The following CPEB3 variants were observed in gnomAD, a reference collection of about 807,000 sequenced individuals.
The protein encoded by CPEB3 is cytoplasmic polyadenylation element-binding protein 3.
In CPEB3, 20 loss-of-function variants were observed where a neutral mutation model predicts 67.2. The ratio of observed to expected loss-of-function variants is 0.30; its 90% CI spans 0.21 to 0.43. The LOEUF is 0.43. Among genes scored for constraint, CPEB3 ranks in the 20% least tolerant of loss-of-function variants. CPEB3 has a pLI of 1.00. For synonymous variants in CPEB3, 376 were observed against 393.1 expected, an observed-to-expected ratio of 0.96 and a Z score of 0.51; for missense variants, 746 against 968.6, an observed-to-expected ratio of 0.77 and a Z score of 3.05.
At chr10:92,057,709 G>A (rs1209330886) in intron 9 of CPEB3, among the ~76,000 whole-genome samples, 1 of 152,242 alleles carries the variant, frequency 6.6e-6, no homozygotes, top group Non-Finnish European at 1.5e-5. Flanking sequence ...GGCCACAGGG[G>A]TGCTTGTGTC....
intron 6 of CPEB3, among the ~76,000 whole-genome samples, chr10:92,125,880 T>G (rs1364025320): frequency 6.6e-6 from 1 of 152,110 alleles, no homozygotes; most frequent in South Asian, 2.1e-4. Flanking sequence ...TATGTCACCA[T>G]GCCCAGCTAA....
chr10:92,055,341 G>T (rs955115565), intron 9 of CPEB3, among the ~76,000 whole-genome samples: 2 of 152,170 alleles, frequency 1.3e-5, no homozygotes, highest in African/African-American at 4.8e-5. Context: ...GAGGCACAAA[G>T]TGATGCCTTA....
intron 4 of CPEB3, among the ~76,000 whole-genome samples, chr10:92,164,338 C>T (rs183338220): frequency 7.6e-4 from 116 of 152,274 alleles, no homozygotes; most frequent in Non-Finnish European, 1.2e-4. Context: ...AAAATTTATC[C>T]ACTTTAAGTA....
chr10:92,142,937 C>G (rs934409137), intron 6 of CPEB3, 92 bp downstream of exon 6: 16 of 798,768 alleles, frequency 2.0e-5, no homozygotes, highest in Non-Finnish European at 2.7e-5. Context: ...AAAAATTCAA[C>G]AGCTATTTCA....
chr10:92,244,038 G>C (rs1851955778), intron 1 of CPEB3, among the ~76,000 whole-genome samples: 1 of 152,092 alleles, frequency 6.6e-6, no homozygotes, highest in South Asian at 2.1e-4. Flanking sequence ...AATATTTGGT[G>C]AATTATTTAA....
At chr10:92,184,244 T>C (rs1298979988) in intron 3 of CPEB3, among the ~76,000 whole-genome samples, 3 of 152,242 alleles carry the variant, frequency 2.0e-5, no homozygotes, top group Non-Finnish European at 4.4e-5. Context: ...CTTGGTATTC[T>C]CTCTAATTCT....
chr10:92,269,212 A>T (rs560168375), intron 1 of CPEB3, among the ~76,000 whole-genome samples: 1 of 152,138 alleles, frequency 6.6e-6, no homozygotes, highest in African/African-American at 2.4e-5. Context: ...TAAAATTCCC[A>T]GCAGCTAAGG....
chr10:92,125,708 T>G (rs1845581556), intron 6 of CPEB3, among the ~76,000 whole-genome samples: 1 of 151,888 alleles, frequency 6.6e-6, no homozygotes, highest in African/African-American at 2.4e-5. Context: ...CACAGCTACA[T>G]GCTAAAGGAA....
chr10:92,199,560 T>G (rs1291518577), intron 2 of CPEB3, among the ~76,000 whole-genome samples: 4 of 151,426 alleles, frequency 2.6e-5, no homozygotes, highest in African/African-American at 9.7e-5. Context: ...GGCACGCGCC[T>G]GTAGTCCCAA....
At chr10:92,223,513 A>G (rs564539741) in intron 2 of CPEB3, among the ~76,000 whole-genome samples, 208 of 132,984 alleles carry the variant, frequency 1.6e-3, no homozygotes, top group Non-Finnish European at 2.8e-3. Flanking sequence ...CTTCTCTTTT[A>G]TTTCCTACAT....
chr10:92,049,537 A>C lies in CPEB3; in HGVS notation c.*2675T>G, dbSNP rs1729092244. The C allele has an allele frequency of 6.5e-6, 1 of 152,696 alleles. No homozygotes were observed. Among genetic ancestry groups the C allele is most frequent in the Non-Finnish European group, 1.5e-5 (1 of 68,044 alleles). 9.5% of individuals were successfully genotyped at this position (152,696 alleles called of 1,614,324 possible). On this transcript the variant is annotated 3_prime_UTR_variant, in exon 10 of 10. Transcript: ENST00000265997. Reference sequence around the variant, plus strand: ...AAAAAGTTCTCTTTAAAAAAATACAAACAGAAGAACTCTTTCACAATCCTG... The same window carrying C: ...AAAAAGTTCTCTTTAAAAAAATACACACAGAAGAACTCTTTCACAATCCTG...
intron 1 of CPEB3, among the ~76,000 whole-genome samples, chr10:92,267,212 T>C (rs538829134): frequency 6.6e-6 from 1 of 152,200 alleles, no homozygotes; most frequent in Non-Finnish European, 1.5e-5. Flanking sequence ...TAGCACCACA[T>C]AGTAAATATT....
intron 9 of CPEB3, among the ~76,000 whole-genome samples, chr10:92,052,671 T>C (rs1247252587): frequency 6.6e-6 from 1 of 152,208 alleles, no homozygotes; most frequent in African/African-American, 2.4e-5. Context: ...GTTTGCTCTA[T>C]CACTGTATCT....
At position 92,267,610 on chromosome 10, in the gene CPEB3, A is replaced by G. The variant is rs535104824; in HGVS notation, c.-12+23316T>C. 2.6e-4 allele frequency among the ~76,000 whole-genome samples: 39 copies of G among 152,330 alleles called. No individual in the cohort carries two copies. The South Asian group carries it at 8.1e-3, about 32-fold the overall frequency. On this transcript the variant is annotated intron_variant, in intron 1 of 9. Transcript: ENST00000265997. ...AAGAACAGACTGTGGCAGAGTTAAG[A>G]GTAGAAACAGAAACAGATTAGGAGA...
chr10:92,250,858 A>AGTTTTT lies in CPEB3; in HGVS notation c.-11-10498_-11-10497insAAAAAC, dbSNP rs1454105127. On this transcript the variant is annotated intron_variant, in intron 1 of 9. Coordinates refer to ENST00000265997, the MANE Select transcript of CPEB3 (RefSeq NM_014912.5). ...GCGCCTGCCACCACACACACAGTTAATTTTTTTTTTTTTTTTTTTTTTTTT... is the reference window on the plus strand; with the variant it reads ...GCGCCTGCCACCACACACACAGTTAAGTTTTTTTTTTTTTTTTTTTTTTTTTTTTTT... Among the ~76,000 whole-genome samples, 32 of 104,120 alleles carry AGTTTTT rather than the reference A, an allele frequency of 3.1e-4. 1 individual carries two copies. The highest frequency in any genetic ancestry group is 4.4e-4 in the Non-Finnish European group (23 of 52,394). 68.3% of individuals were successfully genotyped at this position (104,120 alleles called of 152,430 possible). A position where few individuals can be genotyped will look rare whatever the true frequency, so the allele number is the denominator to read the frequency against.
chr10:92,173,719 A>G (rs1848107513), intron 4 of CPEB3, among the ~76,000 whole-genome samples: 1 of 152,186 alleles, frequency 6.6e-6, no homozygotes, highest in African/African-American at 2.4e-5. Context: ...TCCAGTCTGT[A>G]AAATGAGAAA....
At chr10:92,180,928 G>C in intron 4 of CPEB3, 35 bp downstream of exon 4, 1 of 1,053,188 alleles carries the variant, frequency 9.5e-7, no homozygotes, top group Non-Finnish European at 1.5e-6. Context: ...AAACTTGACT[G>C]CTAATTTAAT....
chr10:92,240,481 G>A, intron 1 of CPEB3, 120 bp from the exon 2 acceptor site: 1 of 950,156 alleles, frequency 1.1e-6, no homozygotes, highest in Non-Finnish European at 1.5e-6. Context: ...CAATTGCAAT[G>A]CAAATCCATA....
chr10:92,083,524 G>A (rs1254059517), intron 8 of CPEB3, among the ~76,000 whole-genome samples: 1 of 152,190 alleles, frequency 6.6e-6, no homozygotes, highest in African/African-American at 2.4e-5. Context: ...TGTTACTGCA[G>A]TAACAGAGAT....
Sources: allele counts gnomAD v4.1 joint callset (sites outside exome capture counted in the v4.1 genomes callset), GRCh38; gene constraint gnomAD v4.1.1; transcripts MANE v1.5; gene names NCBI Gene and HGNC (gene_info 2026-07-23, HGNC 2026-07-21).